Variants in TXLNB observed in about 807,000 individuals in gnomAD.
TXLNB encodes taxilin beta, also known as beta-taxilin.
In TXLNB, 37 loss-of-function variants were observed where a neutral mutation model predicts 57.4. The observed-to-expected ratio is 0.64, with a 90% CI of 0.50 to 0.85. The LOEUF is 0.85. Among genes scored for constraint, TXLNB ranks in the 40% least tolerant of loss-of-function variants. The pLI, the probability that TXLNB is intolerant of heterozygous loss-of-function variation, is 0.00. For missense variants in TXLNB, 848 were observed against 825.6 expected (o/e 1.03, Z -0.33); for synonymous variants, 302 against 309.6 (o/e 0.98, Z 0.26).
chr6:139,201,273 A>C, the TXLNB span, among the ~76,000 whole-genome samples: 1 of 152,204 alleles, frequency 6.6e-6, no homozygotes, highest in Admixed American at 6.5e-5. Context: ...ATCAGGCCCC[A>C]ATAGAACAGA....
the TXLNB span, among the ~76,000 whole-genome samples, chr6:139,214,333 T>A: frequency 3.3e-5 from 5 of 152,074 alleles, no homozygotes; most frequent in Non-Finnish European, 7.3e-5. Flanking sequence ...CATATGCAAA[T>A]CAATAAACGT....
In TXLNB at chr6:139,247,864, T is replaced by C. The variant is rs1335501676; in HGVS notation, c.1123A>G (p.Thr375Ala). The C allele has an allele frequency of 6.2e-7, 1 of 1,609,238 alleles. No individual in the cohort carries two copies. Residue 375 changes from threonine (T) to alanine (A), a missense_variant, in exon 8 of 10, where the codon ACT becomes GCT. Coordinates refer to ENST00000358430, the MANE Select transcript of TXLNB (RefSeq NM_153235.4). ...GRFEEFQSTL[T>A]KSNEVFATFK... ...GTGGCAAACACCTCGTTGCTTTTAG[T>C]TAGTGTGCTCTGGAATTCTTCAAAC...
Position 139,244,611 on chromosome 6 carries a change from A to T in TXLNB, c.1250T>A (p.Leu417Ter), listed in dbSNP as rs1364392525. Residue 417 changes from leucine (L) to a stop codon, truncating the protein, a stop_gained, in exon 9 of 10, where the codon TTG becomes TAG. Coordinates refer to ENST00000358430, the MANE Select transcript of TXLNB (RefSeq NM_153235.4). LOFTEE classifies it low-confidence loss of function (END_TRUNC). ...ARFENCNKAL[L>*]DMIEEKALRA... ...CTTCCTCACCTCTTCAATCATGTCCAACAGAGCTTTGTTACAGTTCTCAAA... is the reference window on the plus strand; with the variant it reads ...CTTCCTCACCTCTTCAATCATGTCCTACAGAGCTTTGTTACAGTTCTCAAA... The T allele has an allele frequency of 1.9e-6, 3 of 1,613,450 alleles. No individual in the cohort carries two copies. The highest frequency in any genetic ancestry group is 2.5e-6 in the Non-Finnish European group (3 of 1,179,358).
At position 139,247,852 on chromosome 6, in the gene TXLNB, C is replaced by CG. The variant is rs1776103817; in HGVS notation, c.1134dup (p.Glu379ArgfsTer15). 6.2e-7 allele frequency: 1 copy of CG among 1,606,278 alleles called. No homozygotes were observed. Among genetic ancestry groups the CG allele is most frequent in the Non-Finnish European group, 8.5e-7 (1 of 1,176,328 alleles). On this transcript the variant is annotated frameshift_variant, in exon 8 of 10. Coordinates refer to ENST00000358430, the MANE Select transcript of TXLNB (RefSeq NM_153235.4). LOFTEE classifies it high-confidence loss of function. ...TCCTGTTTGAACGTGGCAAACACCT[C>CG]GTTGCTTTTAGTTAGTGTGCTCTGG...
chr6:139,316,193 C>T, the TXLNB span, among the ~76,000 whole-genome samples: 2 of 152,218 alleles, frequency 1.3e-5, no homozygotes, highest in African/African-American at 4.8e-5. Context: ...CTTTGCTTGG[C>T]TAAGCTTTAG....
chr6:139,242,621 G>A lies in TXLNB; in HGVS notation c.1960C>T (p.Pro654Ser), dbSNP rs749514867. ...MVPACEPSRQ[P>S]PRAAAEELPV... ...AGCTCCTCTGCTGCTGCTCGTGGGG[G>A]CTGCCTACTGGGCTCGCATGCAGGC... The change falls in exon 10 of 10, where the codon CCC (proline) becomes TCC (serine). Residue 654 changes from proline to serine, a missense_variant. Transcript: ENST00000358430. 37 of 1,598,634 alleles carry A rather than the reference G, an allele frequency of 2.3e-5. No homozygotes were observed. The highest frequency in any genetic ancestry group is 2.7e-5 in the Non-Finnish European group (32 of 1,173,206).
downstream of TXLNB, among the ~76,000 whole-genome samples, chr6:139,238,669 T>C (rs914195539): frequency 3.2e-4 from 49 of 152,226 alleles, 3 homozygotes. Flanking sequence ...CTATGGATGA[T>C]AACCTTAATT....
intron 2 of TXLNB, among the ~76,000 whole-genome samples, chr6:139,279,619 G>A (rs1562286603): frequency 6.6e-6 from 1 of 152,122 alleles, no homozygotes; most frequent in South Asian, 2.1e-4. Flanking sequence ...ATGGAGGAGG[G>A]GAGTAGACAG....
the TXLNB span, among the ~76,000 whole-genome samples, chr6:139,206,456 C>T: frequency 3.4e-4 from 52 of 152,242 alleles, 1 homozygote; most frequent in African/African-American, 1.2e-3. Context: ...ATCACGAAGT[C>T]AGGAGATTGA....
chr6:139,287,979 T>C (rs1222974801), intron 2 of TXLNB, among the ~76,000 whole-genome samples: 1 of 152,198 alleles, frequency 6.6e-6, no homozygotes, highest in Admixed American at 6.5e-5. Context: ...AAACACTCAT[T>C]GGGCACCTGA....
the TXLNB span, chr6:139,176,842 A>G: frequency 4.5e-5 from 32 of 718,012 alleles, no homozygotes; most frequent in African/African-American, 5.2e-4. The surrounding 1 kb of genome is among the most constrained non-coding windows in gnomAD (Gnocchi z 4.5). Flanking sequence ...GATGCTTTGC[A>G]AAGCCCTTGA....
chr6:139,318,410 C>A, the TXLNB span, among the ~76,000 whole-genome samples: 2 of 151,266 alleles, frequency 1.3e-5, no homozygotes, highest in Non-Finnish European at 2.9e-5. Context: ...ATTAGATCCC[C>A]AAAAGGAAAC....
At chr6:139,163,907 C>CTCCA in the TXLNB span, among the ~76,000 whole-genome samples, 149 of 152,088 alleles carry the variant, frequency 9.8e-4, 3 homozygotes, top group Admixed American at 9.8e-3. Flanking sequence ...CTCTCTTGAG[C>CTCCA]TCCAGTCAAA....
At chr6:139,163,328 T>TGGGACATTTTGC in the TXLNB span, among the ~76,000 whole-genome samples, 1 of 150,710 alleles carries the variant, frequency 6.6e-6, no homozygotes, top group Non-Finnish European at 1.5e-5. Flanking sequence ...CCTGGTGCTC[T>TGGGACATTTTGC]GGGACATTTT....
chr6:139,311,936 T>C, the TXLNB span, among the ~76,000 whole-genome samples: 1 of 152,198 alleles, frequency 6.6e-6, no homozygotes, highest in African/African-American at 2.4e-5. Flanking sequence ...ATAGAGAGAC[T>C]GAACTCTAGT....
chr6:139,307,978 CTGGGT>C, the TXLNB span, among the ~76,000 whole-genome samples: 1 of 58,966 alleles, frequency 1.7e-5, no homozygotes, highest in Non-Finnish European at 4.1e-5. Context: ...GTATTGACAC[CTGGGT>C]TCTTCTGCAT....
the TXLNB span, among the ~76,000 whole-genome samples, chr6:139,198,200 T>C: frequency 1.4e-3 from 208 of 152,232 alleles, 6 homozygotes; most frequent in South Asian, 0.041. Flanking sequence ...TTGTACTTTT[T>C]TTTTTTTTTA....
the TXLNB span, among the ~76,000 whole-genome samples, chr6:139,195,147 C>T: frequency 2.0e-5 from 3 of 152,176 alleles, no homozygotes; most frequent in African/African-American, 7.2e-5. Context: ...TAGTTCATGG[C>T]CCCTTCCCCC....
At chr6:139,190,284 T>A in the TXLNB span, among the ~76,000 whole-genome samples, 2 of 150,896 alleles carry the variant, frequency 1.3e-5, no homozygotes, top group Non-Finnish European at 2.9e-5. Context: ...GGTGTCTGGT[T>A]GAGGGCCTGT....
Sources: allele counts gnomAD v4.1 joint callset (sites outside exome capture counted in the v4.1 genomes callset), GRCh38; gene constraint gnomAD v4.1.1; non-coding constraint Gnocchi (gnomAD v3.1); transcripts MANE v1.5; gene names NCBI Gene and HGNC (gene_info 2026-07-23, HGNC 2026-07-21).